NRG3: variants seen among roughly 807,000 people sequenced by gnomAD.
NRG3 encodes pro-neuregulin-3, membrane-bound isoform.
A neutral mutation model predicts 66.9 loss-of-function variants in NRG3; 31 were observed. The ratio of observed to expected loss-of-function variants is 0.46; its 90% CI spans 0.35 to 0.63. The LOEUF (loss-of-function observed/expected upper bound fraction) is 0.63. NRG3 is among the 20% of genes least tolerant of loss of function. The pLI is 0.00. For synonymous variants in NRG3, 393 were observed against 359.4 expected (o/e 1.09, Z -1.06); for missense variants, 910 against 878.9 (o/e 1.04, Z -0.45).
chr10:82,863,550 C>A (rs1459162958), intron 3 of NRG3, among the ~76,000 whole-genome samples: 2 of 152,150 alleles, frequency 1.3e-5, no homozygotes, highest in Non-Finnish European at 2.9e-5. Context: ...TGATCGCCAT[C>A]CTAACTGGCG....
chr10:82,595,376 A>G (rs188831979), intron 2 of NRG3, among the ~76,000 whole-genome samples: 1 of 152,320 alleles, frequency 6.6e-6, no homozygotes, highest in East Asian at 1.9e-4. Flanking sequence ...ATTGATCAGA[A>G]CCTGACTTCA....
chr10:81,911,494 C>T (rs954433204), intron 1 of NRG3, among the ~76,000 whole-genome samples: 7 of 151,850 alleles, frequency 4.6e-5, no homozygotes, highest in African/African-American at 1.7e-4. Context: ...TCGACAGTGT[C>T]ACTTGCTTTT....
At chr10:82,074,724 C>T (rs1483492640) in intron 1 of NRG3, among the ~76,000 whole-genome samples, 1 of 152,148 alleles carries the variant, frequency 6.6e-6, no homozygotes, top group Non-Finnish European at 1.5e-5. Flanking sequence ...GTAGTCTTAG[C>T]TACTTAGGAG....
At chr10:82,700,546 T>A (rs2055786722) in intron 2 of NRG3, among the ~76,000 whole-genome samples, 1 of 152,208 alleles carries the variant, frequency 6.6e-6, no homozygotes, top group African/African-American at 2.4e-5. Flanking sequence ...CATGATGTTT[T>A]ATAAATGTTG....
chr10:82,928,461 T>C (rs1847230075), intron 4 of NRG3, among the ~76,000 whole-genome samples: 1 of 152,202 alleles, frequency 6.6e-6, no homozygotes, highest in African/African-American at 2.4e-5. Flanking sequence ...CTAGGGTTTT[T>C]ATAGTTTTAG....
chr10:82,387,292 A>T (rs1183768248), intron 2 of NRG3, among the ~76,000 whole-genome samples: 2 of 152,146 alleles, frequency 1.3e-5, no homozygotes, highest in African/African-American at 4.8e-5. Context: ...ATATGCTTTT[A>T]ATTCCAATCC....
Position 82,213,738 on chromosome 10 carries a change from T to G in NRG3, c.824-145001T>G, listed in dbSNP as rs182551875. On this transcript the variant is annotated intron_variant, in intron 1 of 8. Transcript: ENST00000372141. Reference sequence around the variant, plus strand: ...TTAATGAATGAATGAGCAAAAACATTAATTAATTAAAAATAATACATTACC... The same window carrying G: ...TTAATGAATGAATGAGCAAAAACATGAATTAATTAAAAATAATACATTACC... 5.3e-3 allele frequency among the ~76,000 whole-genome samples: 802 copies of G among 152,320 alleles called. 5 individuals carry two copies. The highest frequency in any genetic ancestry group is 0.018 in the African/African-American group (764 of 41,564).
At chr10:81,903,996 ATTTTT>A (rs555278247) in intron 1 of NRG3, among the ~76,000 whole-genome samples, 18 of 91,932 alleles carry the variant, frequency 2.0e-4, no homozygotes, top group Admixed American at 7.5e-4. Flanking sequence ...ATATATATAT[ATTTTT>A]TTTTTTTGTT....
chr10:82,362,872 T>A (rs771470260), intron 2 of NRG3, among the ~76,000 whole-genome samples: 5 of 152,140 alleles, frequency 3.3e-5, no homozygotes, highest in Non-Finnish European at 5.9e-5. Flanking sequence ...CCCCTCTTTC[T>A]ATACCAAAAG....
intron 1 of NRG3, among the ~76,000 whole-genome samples, chr10:82,216,353 G>A (rs2133709524): frequency 6.6e-6 from 1 of 152,042 alleles, no homozygotes; most frequent in Non-Finnish European, 1.5e-5. Context: ...CTTAGAAAGT[G>A]TGGAAAATCA....
chr10:82,821,870 T>C (rs1376582677), intron 3 of NRG3, among the ~76,000 whole-genome samples: 1 of 152,136 alleles, frequency 6.6e-6, no homozygotes, highest in Non-Finnish European at 1.5e-5. Context: ...ACCTTCCACT[T>C]CCCTTTTTGA....
chr10:82,006,708 C>T (rs1185913511), intron 1 of NRG3, among the ~76,000 whole-genome samples: 1 of 152,016 alleles, frequency 6.6e-6, no homozygotes, highest in African/African-American at 2.4e-5. Flanking sequence ...ATCTTTTGCT[C>T]AGACATTTGT....
chr10:82,905,745 A>G (rs1294688260), intron 4 of NRG3, among the ~76,000 whole-genome samples: 2 of 152,034 alleles, frequency 1.3e-5, no homozygotes, highest in Non-Finnish European at 2.9e-5. Context: ...ATAGTTATCA[A>G]GTTGCTTCTT....
intron 2 of NRG3, among the ~76,000 whole-genome samples, chr10:82,362,507 G>A (rs1217210710): frequency 6.7e-6 from 1 of 148,384 alleles, no homozygotes. Flanking sequence ...CTGAGTAGCT[G>A]GGACTACAGG....
At chr10:81,981,814 C>A (rs182746069) in intron 1 of NRG3, among the ~76,000 whole-genome samples, 6 of 152,262 alleles carry the variant, frequency 3.9e-5, no homozygotes, top group Admixed American at 3.9e-4. Flanking sequence ...TTCTGGTATT[C>A]CAATAGCCTT....
At chr10:82,915,385 A>T (rs1845730518) in intron 4 of NRG3, among the ~76,000 whole-genome samples, 1 of 152,212 alleles carries the variant, frequency 6.6e-6, no homozygotes, top group Non-Finnish European at 1.5e-5. Flanking sequence ...TTTGATAATC[A>T]CATATGACTT....
intron 2 of NRG3, among the ~76,000 whole-genome samples, chr10:82,458,972 C>A (rs1237318342): frequency 6.6e-6 from 1 of 152,160 alleles, no homozygotes; most frequent in Non-Finnish European, 1.5e-5. Flanking sequence ...TGCATTGAGT[C>A]TCTCCATTCA....
chr10:82,498,284 T>C (rs1843810978), intron 2 of NRG3, among the ~76,000 whole-genome samples: 1 of 151,644 alleles, frequency 6.6e-6, no homozygotes, highest in East Asian at 1.9e-4. Context: ...TTTGTGTTGA[T>C]TTTTTTTTGA....
At chr10:82,560,516 T>G (rs1472392403) in intron 2 of NRG3, among the ~76,000 whole-genome samples, 2 of 151,106 alleles carry the variant, frequency 1.3e-5, no homozygotes, top group Admixed American at 1.3e-4. Flanking sequence ...CTACCTTAAG[T>G]GTTCCTTTAT....
Sources: allele counts gnomAD v4.1 joint callset (sites outside exome capture counted in the v4.1 genomes callset), GRCh38; gene constraint gnomAD v4.1.1; transcripts MANE v1.5; gene names NCBI Gene and HGNC (gene_info 2026-07-23, HGNC 2026-07-21).